SMIM35: variants seen among roughly 807,000 people sequenced by gnomAD.
SMIM35 encodes small integral membrane protein 35.
At chr11:118,082,596 A>G (rs960899595) in intron 1 of SMIM35, among the ~76,000 whole-genome samples, 1 of 151,826 alleles carries the variant, frequency 6.6e-6, no homozygotes, top group Non-Finnish European at 1.5e-5. Context: ...TTGAGGCTCA[A>G]AGAGGTTCAT....
At chr11:118,027,218 G>C (rs2058282069) in intron 1 of SMIM35, among the ~76,000 whole-genome samples, 1 of 146,664 alleles carries the variant, frequency 6.8e-6, no homozygotes, top group South Asian at 2.2e-4. Context: ...CAGTAGAGAC[G>C]GGGTTTCACC....
intron 1 of SMIM35, among the ~76,000 whole-genome samples, chr11:118,035,653 GTC>G (rs1565386847): frequency 6.6e-6 from 1 of 152,108 alleles, no homozygotes; most frequent in African/African-American, 2.4e-5. Flanking sequence ...GTGTGGAGGA[GTC>G]TCTGGGCCCC....
Position 118,076,470 on chromosome 11 carries a change from A to G in SMIM35, c.7+10281T>C, listed in dbSNP as rs78100133. Among the ~76,000 whole-genome samples the G allele has an allele frequency of 8.6e-3, 1,303 of 152,174 alleles. 10 individuals are homozygous for G. Among genetic ancestry groups the G allele is most frequent in the Non-Finnish European group, 0.015 (993 of 68,000 alleles). On this transcript the variant is annotated intron_variant, in intron 1 of 4. Coordinates refer to ENST00000689828, the MANE Select transcript of SMIM35 (RefSeq NM_001394165.1). ...TTAAAAAAAGAAAAGAAAAAAAGAA[A>G]GAAAGAAAGAAGGAAATGACTCCGT...
At chr11:118,013,651 C>A in intron 4 of SMIM35, 97 bp downstream of exon 4, 1 of 394,804 alleles carries the variant, frequency 2.5e-6, no homozygotes, top group Non-Finnish European at 4.5e-6. Context: ...TCTTTGGGTT[C>A]CAAGTGGTCC....
At position 118,038,064 on chromosome 11, in the gene SMIM35, A is replaced by G. The variant is rs534477450; in HGVS notation, c.8-22255T>C. On this transcript the variant is annotated intron_variant, in intron 1 of 4. Transcript: ENST00000689828. ...ATGTATTAAAAGCCCTCAGTGATTC[A>G]ATTAGATTGTCCCACTGCTCAGACC... Among the ~76,000 whole-genome samples, 8 of 152,214 alleles carry G rather than the reference A, an allele frequency of 5.3e-5. No homozygotes were observed. The East Asian group carries it at 1.4e-3, about 26-fold the overall frequency.
intron 1 of SMIM35, among the ~76,000 whole-genome samples, chr11:118,050,599 C>A (rs553902828): frequency 1.3e-5 from 2 of 152,344 alleles, no homozygotes; most frequent in Admixed American, 1.3e-4. Flanking sequence ...TCCTGAGCAC[C>A]CCCGCAGTCC....
At chr11:118,069,743 T>C (rs1944540765) in intron 1 of SMIM35, among the ~76,000 whole-genome samples, 2 of 152,166 alleles carry the variant, frequency 1.3e-5, no homozygotes, top group Admixed American at 1.3e-4. Flanking sequence ...TCTTGGGAGC[T>C]GGTTCCCTAT....
chr11:118,048,946 C>CAAAAAAA lies in SMIM35; in HGVS notation c.8-33144_8-33138dup, dbSNP rs57261529. Among the ~76,000 whole-genome samples, 39 of 60,442 alleles carry CAAAAAAA rather than the reference C, an allele frequency of 6.5e-4. 5 individuals are homozygous for CAAAAAAA. The highest frequency in any genetic ancestry group is 2.4e-3 in the African/African-American group (33 of 13,692). The allele number at this position is 60,442 out of a possible 152,430, so 39.7% of individuals were successfully genotyped here. A position where few individuals can be genotyped will look rare whatever the true frequency, so the allele number is the denominator to read the frequency against. The stretch of plus-strand genomic sequence containing the variant: ...GCCTATCGCCTAGGCTGAAGAGCTG[C>CAAAAAAA]AAAAAAAAAAAAAAAAAAGCAAGTG... On this transcript the variant is annotated intron_variant, in intron 1 of 4. Transcript: ENST00000689828.
At chr11:118,012,655 G>T (rs1483744265) in intron 4 of SMIM35, among the ~76,000 whole-genome samples, 1 of 152,226 alleles carries the variant, frequency 6.6e-6, no homozygotes, top group Non-Finnish European at 1.5e-5. Context: ...AGGCACTGAG[G>T]CCTTGAGCAG....
intron 1 of SMIM35, among the ~76,000 whole-genome samples, chr11:118,039,828 C>T (rs1943970108): frequency 6.6e-6 from 1 of 150,744 alleles, no homozygotes; most frequent in African/African-American, 2.4e-5. Context: ...AGGCGGGACT[C>T]GAGAAAAGGA....
At chr11:118,065,374 A>C (rs1344510328) in intron 1 of SMIM35, among the ~76,000 whole-genome samples, 1 of 152,222 alleles carries the variant, frequency 6.6e-6, no homozygotes, top group African/African-American at 2.4e-5. Context: ...AAATATAGAG[A>C]GTGATCATGA....
At position 118,040,926 on chromosome 11, in the gene SMIM35, A is replaced by G. The variant is rs1051545832; in HGVS notation, c.8-25117T>C. ...AGTTTGTAACATTAATAGATGTGAC[A>G]TATGTATAACAAAAATATATTGCAT... On this transcript the variant is annotated intron_variant, in intron 1 of 4. Transcript: ENST00000689828. Among the ~76,000 whole-genome samples the G allele has an allele frequency of 1.3e-5, 2 of 151,730 alleles. 1 individual carries two copies. Among genetic ancestry groups the G allele is most frequent in the South Asian group, 4.1e-4 (2 of 4,830 alleles).
chr11:118,014,348 G>A (rs2135019462), intron 3 of SMIM35, among the ~76,000 whole-genome samples: 1 of 152,198 alleles, frequency 6.6e-6, no homozygotes, highest in South Asian at 2.1e-4. Context: ...AGGAAAGGAA[G>A]GAAGAAAGGA....
chr11:118,004,124 T>C lies in SMIM35; in HGVS notation c.*2286A>G, dbSNP rs1242281274. ...GAACTCTGGTCTCTCTTCCACTTTC[T>C]TACAAGGGCACTAATCCCATCATGG... On this transcript the variant is annotated 3_prime_UTR_variant, in exon 5 of 5. Coordinates refer to ENST00000689828, the MANE Select transcript of SMIM35 (RefSeq NM_001394165.1). The C allele has an allele frequency of 6.6e-6, 1 of 152,212 alleles. No homozygotes were observed. Among genetic ancestry groups the C allele is most frequent in the African/African-American group, 2.4e-5 (1 of 41,450 alleles). The allele number at this position is 152,212 out of a possible 1,614,324, so 9.4% of individuals were successfully genotyped here.
chr11:118,065,348 T>C (rs1944456234), intron 1 of SMIM35, among the ~76,000 whole-genome samples: 1 of 151,982 alleles, frequency 6.6e-6, no homozygotes. Flanking sequence ...GCATTTTGAG[T>C]GGTTTTGCAA....
Position 118,015,777 on chromosome 11 carries a change from G to A in SMIM35, c.40C>T (p.Leu14Phe). The A allele has an allele frequency of 2.5e-6, 1 of 399,440 alleles. No homozygotes were observed. Among genetic ancestry groups the A allele is most frequent in the Non-Finnish European group, 4.4e-6 (1 of 226,396 alleles). The allele number at this position is 399,440 out of a possible 1,614,324, so 24.7% of individuals were successfully genotyped here. A position where few individuals can be genotyped will look rare whatever the true frequency, so the allele number is the denominator to read the frequency against. Residue 14 changes from leucine to phenylalanine, a missense_variant, in exon 2 of 5, where the codon CTT becomes TTT. Leu to Phe is a conservative substitution (Grantham distance 22). Coordinates refer to ENST00000689828, the MANE Select transcript of SMIM35 (RefSeq NM_001394165.1). ...AGCAGCAGCAAGAGCCCCACGCCAA[G>A]GATCAGGCCCAAGGTGCTGATGGAG... ...EDSISTLGLI[L>F]GVGLLLLLVS...
At chr11:118,086,165 G>A (rs905162218) in intron 1 of SMIM35, among the ~76,000 whole-genome samples, 4 of 152,226 alleles carry the variant, frequency 2.6e-5, no homozygotes, top group Admixed American at 6.5e-5. Flanking sequence ...TTGTGAAATA[G>A]GAATAGTTAC....
intron 4 of SMIM35, among the ~76,000 whole-genome samples, chr11:118,007,265 C>T (rs1342011599): frequency 2.0e-5 from 3 of 152,262 alleles, no homozygotes; most frequent in African/African-American, 7.2e-5. Flanking sequence ...CTGAAATAGC[C>T]TCCCAGCTGG....
intron 1 of SMIM35, among the ~76,000 whole-genome samples, chr11:118,054,585 T>C (rs1944280715): frequency 6.6e-6 from 1 of 152,148 alleles, no homozygotes; most frequent in Non-Finnish European, 1.5e-5. Flanking sequence ...ATGAACATGG[T>C]TCATCTGCTC....
Sources: allele counts gnomAD v4.1 joint callset (sites outside exome capture counted in the v4.1 genomes callset), GRCh38; gene constraint gnomAD v4.1.1; transcripts MANE v1.5; gene names NCBI Gene and HGNC (gene_info 2026-07-23, HGNC 2026-07-21).